PRDM11: variants seen among roughly 807,000 people sequenced by gnomAD.
PRDM11 encodes the protein PR domain-containing protein 11.
In PRDM11, 20 loss-of-function variants were observed where a neutral mutation model predicts 97.8. The ratio of observed to expected loss-of-function variants is 0.20; its 90% CI spans 0.14 to 0.30. The LOEUF is 0.30. PRDM11 is among the 10% of genes least tolerant of loss of function. PRDM11 has a pLI of 1.00. For missense variants in PRDM11, 1,139 were observed against 1,555.2 expected (o/e 0.73, Z 4.50); for synonymous variants, 599 against 637.7 (o/e 0.94, Z 0.91).
intron 1 of PRDM11, among the ~76,000 whole-genome samples, chr11:45,161,568 A>C (rs1590393640): frequency 6.6e-6 from 1 of 152,158 alleles, no homozygotes; most frequent in African/African-American, 2.4e-5. Flanking sequence ...GTGGCTGCGG[A>C]TTTGATCTCC....
At chr11:45,196,113 A>G (rs547235890) in intron 4 of PRDM11, among the ~76,000 whole-genome samples, 3 of 152,266 alleles carry the variant, frequency 2.0e-5, no homozygotes, top group Non-Finnish European at 4.4e-5. Flanking sequence ...CAGCTGATCA[A>G]TTTTGCTTTC....
intron 1 of PRDM11, among the ~76,000 whole-genome samples, chr11:45,129,988 A>T (rs941867399): frequency 6.6e-6 from 1 of 152,196 alleles, no homozygotes; most frequent in Non-Finnish European, 1.5e-5. Flanking sequence ...TACATGGTCA[A>T]CTGATTTTTG....
chr11:45,147,121 G>A (rs1006411678), intron 1 of PRDM11, among the ~76,000 whole-genome samples: 5 of 151,040 alleles, frequency 3.3e-5, no homozygotes, highest in African/African-American at 9.7e-5. Context: ...GCCGCCGCGG[G>A]AGCCGGGGGC....
intron 5 of PRDM11, chr11:45,212,928 G>A: frequency 4.9e-6 from 2 of 407,792 alleles, no homozygotes; most frequent in South Asian, 3.6e-5. Context: ...GACCCTACGG[G>A]CTCCACTCCC....
chr11:45,152,686 C>G (rs1290917713), intron 1 of PRDM11, among the ~76,000 whole-genome samples: 4 of 152,120 alleles, frequency 2.6e-5, no homozygotes, highest in African/African-American at 7.2e-5. Flanking sequence ...ACAGCGATGC[C>G]CTGATCATGG....
At chr11:45,110,278 C>A (rs963698) in intron 1 of PRDM11, among the ~76,000 whole-genome samples, 50,415 of 151,816 alleles carry the variant, frequency 0.33, 9,374 homozygotes, top group African/African-American at 0.48. Context: ...AGCTTCGGAG[C>A]CAGAAAAATG....
intron 1 of PRDM11, among the ~76,000 whole-genome samples, chr11:45,125,595 G>A (rs1056827911): frequency 6.6e-6 from 1 of 152,128 alleles, no homozygotes; most frequent in Non-Finnish European, 1.5e-5. Flanking sequence ...ATTTTGTTAT[G>A]TACCCAGTAG....
chr11:45,228,118 C>A lies in PRDM11; in HGVS notation c.3493C>A (p.Gln1165Lys). The change falls in exon 8 of 8, where the codon CAG becomes AAG. Residue 1165 changes from glutamine to lysine, a missense_variant. By Grantham distance (53) the Gln-to-Lys change is moderately conservative. Around this residue, in one of 2 missense-constraint regions of PRDM11, gnomAD observed 710 missense variants for 1,044.9 expected, o/e 0.68. Transcript: ENST00000683152. The stretch of plus-strand genomic sequence containing the variant: ...TGCGCTGGAGCAGAAGCCAGCACTA[C>A]AGACCATGGACCACGGGACGGAGTT... ...MSALEQKPALQTMDHGTEFYP... is the reference protein window; with the variant it reads ...MSALEQKPALKTMDHGTEFYP... The A allele has an allele frequency of 4.6e-6, 7 of 1,533,164 alleles. No individual in the cohort carries two copies. Among genetic ancestry groups the A allele is most frequent in the Non-Finnish European group, 6.1e-6 (7 of 1,146,238 alleles). 95.0% of individuals were successfully genotyped at this position (1,533,164 alleles called of 1,614,324 possible). A position where few individuals can be genotyped will look rare whatever the true frequency, so the allele number is the denominator to read the frequency against.
intron 1 of PRDM11, among the ~76,000 whole-genome samples, chr11:45,096,075 C>T (rs189611625): frequency 6.6e-6 from 1 of 152,346 alleles, no homozygotes; most frequent in African/African-American, 2.4e-5. Flanking sequence ...CACTCCTTCT[C>T]ACTGTCAAGT....
chr11:45,126,311 T>C (rs1305366268), intron 1 of PRDM11, among the ~76,000 whole-genome samples: 2 of 152,170 alleles, frequency 1.3e-5, no homozygotes, highest in South Asian at 2.1e-4. Flanking sequence ...CTGTGTCTTT[T>C]AATTGGAGCA....
intron 4 of PRDM11, among the ~76,000 whole-genome samples, chr11:45,203,540 T>C (rs1853403820): frequency 6.6e-6 from 1 of 151,652 alleles, no homozygotes; most frequent in African/African-American, 2.4e-5. Context: ...GAGATATTTT[T>C]CCAGAGAGTG....
intron 5 of PRDM11, chr11:45,213,748 G>T (rs116010791): frequency 2.2e-6 from 1 of 456,388 alleles, no homozygotes; most frequent in Non-Finnish European, 4.4e-6. Flanking sequence ...GTATTATTAT[G>T]ATCATTTTTA....
intron 4 of PRDM11, among the ~76,000 whole-genome samples, chr11:45,188,311 G>A (rs1852783693): frequency 6.6e-6 from 1 of 152,234 alleles, no homozygotes; most frequent in Non-Finnish European, 1.5e-5. Context: ...TTGCACAGCT[G>A]AGAAAACTGA....
chr11:45,128,155 C>A (rs1453126952), intron 1 of PRDM11, among the ~76,000 whole-genome samples: 1 of 152,190 alleles, frequency 6.6e-6, no homozygotes, highest in Admixed American at 6.5e-5. Flanking sequence ...GAGCCATGTG[C>A]AGGATATAAT....
At chr11:45,197,679 CGAAAAGAAATTT>C (rs1853174915) in intron 4 of PRDM11, among the ~76,000 whole-genome samples, 1 of 151,958 alleles carries the variant, frequency 6.6e-6, no homozygotes, top group East Asian at 1.9e-4. Flanking sequence ...CGGTCTAAAC[CGAAAAGAAATTT>C]GAAAAAAGGA....
intron 4 of PRDM11, among the ~76,000 whole-genome samples, chr11:45,186,124 A>G (rs548399202): frequency 1.5e-4 from 23 of 152,344 alleles, no homozygotes; most frequent in Non-Finnish European, 2.8e-4. Flanking sequence ...CTCTAGAACT[A>G]TAAGGTAATA....
Position 45,192,949 on chromosome 11 carries a change from C to T in PRDM11, c.486+9826C>T, listed in dbSNP as rs138493083. 3.2e-3 allele frequency among the ~76,000 whole-genome samples: 484 copies of T among 152,282 alleles called. 4 individuals are homozygous for T. Among genetic ancestry groups the T allele is most frequent in the African/African-American group, 0.011 (461 of 41,542 alleles). ...AAATTGCTATTTATAAGGCGAATATCGTAGTGACTACTGAGACACAGCAAG... is the reference window on the plus strand; with the variant it reads ...AAATTGCTATTTATAAGGCGAATATTGTAGTGACTACTGAGACACAGCAAG... On this transcript the variant is annotated intron_variant, in intron 4 of 7. Transcript: ENST00000683152.
At chr11:45,115,261 A>G (rs1330490774) in intron 1 of PRDM11, among the ~76,000 whole-genome samples, 1 of 152,100 alleles carries the variant, frequency 6.6e-6, no homozygotes, top group African/African-American at 2.4e-5. Context: ...ACTCATATTA[A>G]AATTGCTAGA....
In PRDM11 at chr11:45,227,840, A is replaced by G; in HGVS notation, c.3215A>G (p.Asn1072Ser). 1.3e-6 allele frequency: 2 copies of G among 1,533,954 alleles called. No homozygotes were observed. The highest frequency in any genetic ancestry group is 1.7e-6 in the Non-Finnish European group (2 of 1,146,726). The change falls in exon 8 of 8, where the codon AAC (asparagine) becomes AGC (serine). Residue 1072 changes from asparagine (N) to serine (S), a missense_variant. Asn to Ser is a conservative substitution (Grantham distance 46). Coordinates refer to ENST00000683152, the MANE Select transcript of PRDM11 (RefSeq NM_001384648.1). This position sits in a 1 kb window ranked among gnomAD's most constrained non-coding sequence, Gnocchi z 8.0. ...CKYKQRFPLL[N>S]KIIQVLKVLP... The stretch of plus-strand genomic sequence containing the variant: ...TACAAACAGAGGTTTCCACTCTTGA[A>G]CAAGATCATCCAGGTTCTTAAAGTC...
Sources: allele counts gnomAD v4.1 joint callset (sites outside exome capture counted in the v4.1 genomes callset), GRCh38; gene constraint gnomAD v4.1.1; regional missense constraint gnomAD v4.1.1; non-coding constraint Gnocchi (gnomAD v3.1); transcripts MANE v1.5; gene names NCBI Gene and HGNC (gene_info 2026-07-23, HGNC 2026-07-21).